Variants in ATP11A observed in about 807,000 individuals in gnomAD.
ATP11A encodes the protein ATPase phospholipid transporting 11A.
In ATP11A, 81 loss-of-function variants were observed where a neutral mutation model predicts 154.4. The observed-to-expected ratio is 0.52, with a 90% CI of 0.44 to 0.63. ATP11A has a LOEUF of 0.63. ATP11A is among the 30% of genes least tolerant of loss of function. ATP11A has a pLI of 0.00. For synonymous variants in ATP11A, 623 were observed against 585.9 expected (o/e 1.06, Z -0.91); for missense variants, 1,316 against 1,474.3 (o/e 0.89, Z 1.76).
intron 14 of ATP11A, among the ~76,000 whole-genome samples, chr13:112,833,432 C>T (rs2079150729): frequency 6.6e-6 from 1 of 152,218 alleles, no homozygotes; most frequent in Non-Finnish European, 1.5e-5. Context: ...CCGGACAGAG[C>T]AGAGCTGGTG....
In ATP11A at chr13:112,859,493, CT is replaced by C; in HGVS notation, c.2727+45del. 6.5e-7 allele frequency: 1 copy of C among 1,548,480 alleles called. No individual in the cohort carries two copies. The highest frequency in any genetic ancestry group is 8.9e-7 in the Non-Finnish European group (1 of 1,120,610). ...TTCAGGGACAGGCTGTCTGAGCCTT[CT>C]TTTCCTTCCCGCAGTGGGTGGCTGC... On this transcript the variant is annotated intron_variant, in intron 23 of 29. Transcript: ENST00000375645. The surrounding 1 kb of genome is among the most constrained non-coding windows in gnomAD (Gnocchi z 4.3).
chr13:112,796,142 TGAA>T (rs2077993012), intron 2 of ATP11A, among the ~76,000 whole-genome samples: 1 of 152,214 alleles, frequency 6.6e-6, no homozygotes, highest in Admixed American at 6.5e-5. Flanking sequence ...ACAAAAGAAA[TGAA>T]GAGCTAGCCA....
intron 1 of ATP11A, among the ~76,000 whole-genome samples, chr13:112,748,546 T>C (rs979011350): frequency 4.6e-5 from 7 of 152,100 alleles, no homozygotes; most frequent in East Asian, 3.9e-4. Context: ...TTGTATTCTT[T>C]GTAGAGACAG....
chr13:112,702,613 TTCTC>T (rs1443180245), intron 1 of ATP11A, among the ~76,000 whole-genome samples: 1 of 152,270 alleles, frequency 6.6e-6, no homozygotes, highest in Non-Finnish European at 1.5e-5. Flanking sequence ...TTGGCCGGGC[TTCTC>T]TCTCTGTGAG....
intron 1 of ATP11A, among the ~76,000 whole-genome samples, chr13:112,715,801 G>T (rs1888395030): frequency 6.6e-6 from 1 of 151,930 alleles, no homozygotes; most frequent in South Asian, 2.1e-4. Context: ...TCATTCCCAA[G>T]TGGCTTGGGC....
Position 112,854,408 on chromosome 13 carries a change from C to T in ATP11A, c.2121C>T (p.Asn707=), listed in dbSNP as rs61741637. 1,368 of 1,613,734 alleles carry T rather than the reference C, an allele frequency of 8.5e-4. 11 individuals carry two copies. The African/African-American group carries it at 0.014, about 17-fold the overall frequency. Residue 707 remains asparagine (N), a synonymous_variant, in exon 19 of 30, where the codon AAC becomes AAT. Coordinates refer to ENST00000375645, the MANE Select transcript of ATP11A (RefSeq NM_015205.3). ...ACGCCTGCAAGCTCTTCCGCAGGAACACGCAGCTGCTGGAGCTGACCACCA... is the reference window on the plus strand; with the variant it reads ...ACGCCTGCAAGCTCTTCCGCAGGAATACGCAGCTGCTGGAGCTGACCACCA... ...TCYACKLFRR[N]TQLLELTTKR...
Position 112,824,404 on chromosome 13 carries a change from A to G in ATP11A, c.851A>G (p.Gln284Arg). The G allele has an allele frequency of 6.2e-7, 1 of 1,613,750 alleles. No homozygotes were observed. Among genetic ancestry groups the G allele is most frequent in the Non-Finnish European group, 8.5e-7 (1 of 1,179,628 alleles). The change falls in exon 10 of 30, where the codon CAG (glutamine) becomes CGG (arginine). Residue 284 changes from glutamine to arginine, a missense_variant. This residue lies in a region of ATP11A where 876 missense variants were observed against 1,006.8 expected (regional missense o/e 0.87). Transcript: ENST00000375645. ...GCATTAAATTATCAATCAAAATCTCAGAAGCGATCTGCCGTGGAAAAGTAA... is the reference window on the plus strand; with the variant it reads ...GCATTAAATTATCAATCAAAATCTCGGAAGCGATCTGCCGTGGAAAAGTAA... ...KMALNYQSKS[Q>R]KRSAVEKSMN...
chr13:112,869,213 C>T (rs1055454094), intron 25 of ATP11A, among the ~76,000 whole-genome samples: 12 of 152,200 alleles, frequency 7.9e-5, no homozygotes, highest in Non-Finnish European at 1.5e-4. Flanking sequence ...TTCCAAAGGA[C>T]GTGGACACAG....
At chr13:112,864,574 C>T (rs373122368) in intron 25 of ATP11A, among the ~76,000 whole-genome samples, 9 of 52,230 alleles carry the variant, frequency 1.7e-4, no homozygotes, top group African/African-American at 6.4e-4. Context: ...ATGCAGCTTC[C>T]CAGCGGGGTC....
intron 27 of ATP11A, among the ~76,000 whole-genome samples, chr13:112,874,979 G>A (rs1329329348): frequency 7.2e-5 from 11 of 152,234 alleles, no homozygotes; most frequent in African/African-American, 2.4e-4. Context: ...TTGACCCCAC[G>A]TCTTTGATGT....
intron 2 of ATP11A, among the ~76,000 whole-genome samples, chr13:112,804,618 A>G (rs1237927267): frequency 2.0e-5 from 3 of 150,620 alleles, no homozygotes; most frequent in African/African-American, 7.4e-5. Context: ...AGGAGAGATC[A>G]TGCAGAAATT....
intron 29 of ATP11A, among the ~76,000 whole-genome samples, chr13:112,879,305 T>C (rs554248654): frequency 2.0e-5 from 3 of 152,376 alleles, no homozygotes; most frequent in South Asian, 4.1e-4. Context: ...AAAATGGTCC[T>C]TTTTTAAGTC....
At chr13:112,706,215 T>TAAAAGGTA (rs1285443224) in intron 1 of ATP11A, among the ~76,000 whole-genome samples, 1 of 152,102 alleles carries the variant, frequency 6.6e-6, no homozygotes, top group Non-Finnish European at 1.5e-5. Flanking sequence ...TTGGCCATAG[T>TAAAAGGTA]AAAAGGTAAA....
At chr13:112,836,024 G>A (rs1365910889) in intron 15 of ATP11A, among the ~76,000 whole-genome samples, 154 bp from the exon 16 acceptor site, 14 of 152,218 alleles carry the variant, frequency 9.2e-5, no homozygotes, top group Admixed American at 9.2e-4. Flanking sequence ...GGGCATCCAT[G>A]GGAGGACACC....
chr13:112,881,085 C>CT (rs2080870323), intron 29 of ATP11A: 1 of 987,340 alleles, frequency 1.0e-6, no homozygotes, highest in African/African-American at 1.7e-5. Context: ...GAGCACATAG[C>CT]TTGTCGCCTC....
rs1462778833 is a variant in ATP11A at position 112,690,170 on chromosome 13, G to A, written c.-247G>A. Among the ~76,000 whole-genome samples the A allele has an allele frequency of 6.7e-6, 1 of 148,166 alleles. No homozygotes were observed. The highest frequency in any genetic ancestry group is 1.5e-5 in the Non-Finnish European group (1 of 66,430). ...AGAGAGAAGGCGCCAGAGCGCGCGC[G>A]CGCGGCCCCGAGCAGCAGCCTTGCC... On this transcript the variant is annotated 5_prime_UTR_variant, in exon 1 of 30. Coordinates refer to ENST00000375645, the MANE Select transcript of ATP11A (RefSeq NM_015205.3). The surrounding 1 kb of genome is among the most constrained non-coding windows in gnomAD (Gnocchi z 5.6).
intron 1 of ATP11A, among the ~76,000 whole-genome samples, chr13:112,765,470 A>T (rs114940891): frequency 0.077 from 11,708 of 151,308 alleles, 470 homozygotes; most frequent in Middle Eastern, 0.11. Flanking sequence ...TTCCTTGTCC[A>T]CTCCACGTTC....
At chr13:112,808,310 G>C (rs2078382127) in intron 4 of ATP11A, among the ~76,000 whole-genome samples, 1 of 152,036 alleles carries the variant, frequency 6.6e-6, no homozygotes. Context: ...TCAGGGCAAG[G>C]CGGCAAATGA....
intron 2 of ATP11A, among the ~76,000 whole-genome samples, chr13:112,786,966 G>C (rs1336021755): frequency 2.2e-5 from 3 of 135,048 alleles, no homozygotes; most frequent in Non-Finnish European, 3.2e-5. Flanking sequence ...ATTCACACCG[G>C]GTGTCCTGAT....
Sources: gnomAD v4.1 joint callset for allele counts (sites outside exome capture counted in the v4.1 genomes callset) on GRCh38, gnomAD v4.1.1 for gene constraint, gnomAD v4.1.1 regional missense constraint, Gnocchi (gnomAD v3.1) non-coding constraint, MANE v1.5 for transcripts, NCBI Gene and HGNC (gene_info 2026-07-23, HGNC 2026-07-21) for gene names.